Variants in GRIN2C observed in about 807,000 individuals in gnomAD.
GRIN2C encodes glutamate receptor ionotropic, NMDA 2C.
Under a neutral mutation model 77.7 loss-of-function variants are expected in GRIN2C, and 64 were observed. The observed-to-expected ratio is 0.82, with a 90% CI of 0.67 to 1.01. The LOEUF (loss-of-function observed/expected upper bound fraction) is 1.01, where lower values mean the gene tolerates loss of function less well. Ranked by LOEUF, GRIN2C falls within the 50% of genes least tolerant of loss-of-function variation. The pLI is 0.00. For synonymous variants in GRIN2C, 792 were observed against 643.4 expected (o/e 1.23, Z -3.49); for missense variants, 1,549 against 1,486.0 (o/e 1.04, Z -0.70).
At chr17:74,848,561 A>G (rs1009816472) in intron 7 of GRIN2C, among the ~76,000 whole-genome samples, 4 of 152,114 alleles carry the variant, frequency 2.6e-5, no homozygotes, top group Admixed American at 1.3e-4. Context: ...TTAGCCAGGC[A>G]TGGTGACACA....
chr17:74,849,559 C>T lies in GRIN2C; in HGVS notation c.1645+221G>A, dbSNP rs2037566603. ...CAGTGGCACCACGACCCATCCCACA[C>T]CCCCAACCCCACCCTCACCTGGCAG... On this transcript the variant is annotated intron_variant, in intron 7 of 12. Transcript: ENST00000293190. The surrounding 1 kb of genome is among the most constrained non-coding windows in gnomAD (Gnocchi z 4.6). Among the ~76,000 whole-genome samples the T allele has an allele frequency of 6.6e-6, 1 of 152,190 alleles. No individual in the cohort carries two copies. The highest frequency in any genetic ancestry group is 6.5e-5 in the Admixed American group (1 of 15,278).
intron 12 of GRIN2C, 167 bp downstream of exon 12, chr17:74,844,109 A>C: frequency 7.4e-7 from 1 of 1,344,106 alleles, no homozygotes; most frequent in Admixed American, 2.9e-5. Flanking sequence ...TCTGGACTCA[A>C]GGGATCCACT....
chr17:74,854,496 T>A (rs2037754637), intron 2 of GRIN2C, 198 bp downstream of exon 2: 1 of 561,676 alleles, frequency 1.8e-6, no homozygotes, highest in Non-Finnish European at 3.2e-6. Context: ...AGACACAATG[T>A]GAGGTCAGCC....
chr17:74,852,606 C>T lies in GRIN2C; in HGVS notation c.405G>A (p.Pro135=). The T allele has an allele frequency of 7.8e-7, 1 of 1,274,760 alleles. No homozygotes were observed. The highest frequency in any genetic ancestry group is 3.4e-5 in the East Asian group (1 of 29,102). 79.0% of individuals were successfully genotyped at this position (1,274,760 alleles called of 1,614,324 possible). The change falls in exon 3 of 13, where the codon CCG becomes CCA. Residue 135 remains proline, a synonymous_variant. Transcript: ENST00000293190. ...GSAVVLTPKE[P]GSAFLQLGVS... ...CGCCCAGCTGCAGGAAGGCGGAGCC[C>T]GGCTCCTGGGGGCGGGCGGGGCCTG...
intron 12 of GRIN2C, among the ~76,000 whole-genome samples, chr17:74,843,773 C>T (rs543290464): frequency 2.0e-5 from 3 of 152,158 alleles, no homozygotes; most frequent in Admixed American, 2.0e-4. Flanking sequence ...TAGCTAGCAC[C>T]TGGCACATGA....
At position 74,851,607 on chromosome 17, in the gene GRIN2C, G is replaced by C; in HGVS notation, c.1083C>G (p.Ile361Met). Reference sequence around the variant, plus strand: ...CCCAGAGGCGGTGCCGGTTGAGGGCGATCACCACCATGGTGGGCTGGACCA... The same window carrying C: ...CCCAGAGGCGGTGCCGGTTGAGGGCCATCACCACCATGGTGGGCTGGACCA... ...GYLVQPTMVV[I>M]ALNRHRLWEM... is the part of the protein sequence containing the mutation. Residue 361 changes from isoleucine to methionine, a missense_variant, in exon 4 of 13, where the codon ATC becomes ATG. Ile to Met is a conservative substitution (Grantham distance 10, BLOSUM62 1). This residue lies in a region of GRIN2C where 717 missense variants were observed against 858.1 expected (regional missense o/e 0.84). Transcript: ENST00000293190. 6.4e-7 allele frequency: 1 copy of C among 1,563,740 alleles called. No homozygotes were observed. Among genetic ancestry groups the C allele is most frequent in the Non-Finnish European group, 8.7e-7 (1 of 1,152,488 alleles).
rs184900855 is a variant in GRIN2C, at chr17:74,856,299, C to T, written c.-15-1192G>A. On this transcript the variant is annotated intron_variant, in intron 1 of 12. Transcript: ENST00000293190. ...GGTGAGCCTGCCACTCCAGCCCTCC[C>T]GCCTCCCCCAGGATCTGCACATCTC... Among the ~76,000 whole-genome samples, 145 of 152,082 alleles carry T rather than the reference C, an allele frequency of 9.5e-4. 1 individual carries two copies. Among genetic ancestry groups the T allele is most frequent in the African/African-American group, 3.3e-3 (138 of 41,450 alleles).
chr17:74,852,739 C>T (rs1008273033), intron 2 of GRIN2C, 128 bp from the exon 3 acceptor site: 1 of 489,516 alleles, frequency 2.0e-6, no homozygotes, highest in Non-Finnish European at 3.5e-6. Context: ...TTCCGGGAGC[C>T]CTCTGGCCTG....
chr17:74,852,102 G>A lies in GRIN2C; in HGVS notation c.909C>T (p.Tyr303=). 6.8e-7 allele frequency: 1 copy of A among 1,466,232 alleles called. No individual in the cohort carries two copies. Among genetic ancestry groups the A allele is most frequent in the Non-Finnish European group, 9.0e-7 (1 of 1,107,666 alleles). 90.8% of individuals were successfully genotyped at this position (1,466,232 alleles called of 1,614,324 possible). A position where few individuals can be genotyped will look rare whatever the true frequency, so the allele number is the denominator to read the frequency against. The change falls in exon 3 of 13, where the codon TAC becomes TAT. Residue 303 remains tyrosine (Y), a synonymous_variant. Coordinates refer to ENST00000293190, the MANE Select transcript of GRIN2C (RefSeq NM_000835.6). ...VAILALGAHS[Y]WRQHGTLPAP... Reference sequence around the variant, plus strand: ...CTGGCAGGGTTCCATGCTGGCGCCAGTAGCTGTGGGCGCCCAGGGCCAGAA... The same window carrying A: ...CTGGCAGGGTTCCATGCTGGCGCCAATAGCTGTGGGCGCCCAGGGCCAGAA...
In GRIN2C at chr17:74,850,928, G is replaced by C; in HGVS notation, c.1114-161C>G. On this transcript the variant is annotated intron_variant, in intron 4 of 12. Coordinates refer to ENST00000293190, the MANE Select transcript of GRIN2C (RefSeq NM_000835.6). This position sits in a 1 kb window ranked among gnomAD's most constrained non-coding sequence, Gnocchi z 5.3. ...CAGCCTCCCCCAGCCTCGGGTCCCTGTGTTCATACAGCTCCACACTGACCC... is the reference window on the plus strand; with the variant it reads ...CAGCCTCCCCCAGCCTCGGGTCCCTCTGTTCATACAGCTCCACACTGACCC... 1 of 636,982 alleles carries C rather than the reference G, an allele frequency of 1.6e-6. No homozygotes were observed. Among genetic ancestry groups the C allele is most frequent in the Non-Finnish European group, 2.8e-6 (1 of 353,926 alleles). The allele number at this position is 636,982 out of a possible 1,614,324, so 39.5% of individuals were successfully genotyped here.
At chr17:74,853,993 C>T (rs1356296102) in intron 2 of GRIN2C, 1 of 152,386 alleles carries the variant, frequency 6.6e-6, no homozygotes, top group Non-Finnish European at 1.5e-5. Flanking sequence ...AGGCTTTTCC[C>T]TCTATTCCTC....
chr17:74,847,926 A>T lies in GRIN2C; in HGVS notation c.1697T>A (p.Val566Glu), dbSNP rs373944929. Residue 566 changes from valine to glutamate, a missense_variant, in exon 8 of 13, where the codon GTG becomes GAG. This residue lies in a region of GRIN2C where 717 missense variants were observed against 858.1 expected (regional missense o/e 0.84). Transcript: ENST00000293190. The surrounding 1 kb of genome is among the most constrained non-coding windows in gnomAD (Gnocchi z 5.2). ...GAACATGAAGACGGTGATGGCCACC[A>T]CAGTGAGGCACATGACAAACATCAT... ...WVMMFVMCLT[V>E]VAITVFMFEY... 14 of 1,613,732 alleles carry T rather than the reference A, an allele frequency of 8.7e-6. No individual in the cohort carries two copies. The highest frequency in any genetic ancestry group is 1.2e-5 in the Non-Finnish European group (14 of 1,179,752).
chr17:74,846,900 C>T lies in GRIN2C; in HGVS notation c.2022G>A (p.Gln674=). ...CCGTGCCGAAGCGGAAAGGTGGGTACTGATCTTGAGGCCGCTGAAACTGCA... is the reference window on the plus strand; with the variant it reads ...CCGTGCCGAAGCGGAAAGGTGGGTATTGATCTTGAGGCCGCTGAAACTGCA... ...SDKKFQRPQD[Q]YPPFRFGTVP... The change falls in exon 10 of 13, where the codon CAG becomes CAA. Residue 674 remains glutamine, a synonymous_variant. Coordinates refer to ENST00000293190, the MANE Select transcript of GRIN2C (RefSeq NM_000835.6). The surrounding 1 kb of genome is among the most constrained non-coding windows in gnomAD (Gnocchi z 4.4). The T allele has an allele frequency of 6.2e-7, 1 of 1,612,292 alleles. No individual in the cohort carries two copies. Among genetic ancestry groups the T allele is most frequent in the Non-Finnish European group, 8.5e-7 (1 of 1,178,748 alleles).
chr17:74,850,699 C>T lies in GRIN2C; in HGVS notation c.1182G>A (p.Leu394=), dbSNP rs753583474. 67 of 1,613,544 alleles carry T rather than the reference C, an allele frequency of 4.2e-5. No homozygotes were observed. Among genetic ancestry groups the T allele is most frequent in the Non-Finnish European group, 5.2e-5 (61 of 1,180,038 alleles). ...GGTGCCGACTGTCCACCACAGGCTGCAGAGAGGCACTGTAGCGAGGCCACA... is the reference window on the plus strand; with the variant it reads ...GGTGCCGACTGTCCACCACAGGCTGTAGAGAGGCACTGTAGCGAGGCCACA... ...YPVWPRYSAS[L]QPVVDSRHLT... is the part of the protein sequence containing the mutation. The change falls in exon 5 of 13, where the codon CTG becomes CTA. Residue 394 remains leucine (L), a synonymous_variant. Coordinates refer to ENST00000293190, the MANE Select transcript of GRIN2C (RefSeq NM_000835.6). This position sits in a 1 kb window ranked among gnomAD's most constrained non-coding sequence, Gnocchi z 5.3.
intron 1 of GRIN2C, among the ~76,000 whole-genome samples, chr17:74,856,749 G>C (rs1352439385): frequency 6.6e-6 from 1 of 152,068 alleles, no homozygotes; most frequent in South Asian, 2.1e-4. Flanking sequence ...AAAGTGCTGG[G>C]ATTACAGGCG....
chr17:74,849,763 C>A lies in GRIN2C; in HGVS notation c.1645+17G>T. 1.9e-6 allele frequency: 3 copies of A among 1,606,010 alleles called. No homozygotes were observed. The highest frequency in any genetic ancestry group is 2.5e-6 in the Non-Finnish European group (3 of 1,177,986). ...CCCTCTGCCCCCGGAGCCGTCTCTG[C>A]CCACCCTGGGCCTCACCCAAGAAGG... On this transcript the variant is annotated intron_variant, in intron 7 of 12. Coordinates refer to ENST00000293190, the MANE Select transcript of GRIN2C (RefSeq NM_000835.6). The surrounding 1 kb of genome is among the most constrained non-coding windows in gnomAD (Gnocchi z 4.6).
rs944762535 is a variant in GRIN2C at position 74,849,126 on chromosome 17, T to C, written c.1645+654A>G. 8.1e-5 allele frequency among the ~76,000 whole-genome samples: 12 copies of C among 147,578 alleles called. No homozygotes were observed. The highest frequency in any genetic ancestry group is 2.9e-4 in the African/African-American group (12 of 40,728). ...CTTGCTATGCTATGAAGTGGTTTTTTTTTTCCTCTCTTCCGTGGCTGAGGA... is the reference window on the plus strand; with the variant it reads ...CTTGCTATGCTATGAAGTGGTTTTTCTTTTCCTCTCTTCCGTGGCTGAGGA... On this transcript the variant is annotated intron_variant, in intron 7 of 12. Transcript: ENST00000293190. This position sits in a 1 kb window ranked among gnomAD's most constrained non-coding sequence, Gnocchi z 4.6.
rs1402221827 is a variant in GRIN2C at position 74,850,547 on chromosome 17, T to A, written c.1325+9A>T. 4 of 1,612,612 alleles carry A rather than the reference T, an allele frequency of 2.5e-6. No homozygotes were observed. The highest frequency in any genetic ancestry group is 3.4e-6 in the Non-Finnish European group (4 of 1,179,320). On this transcript the variant is annotated intron_variant, in intron 5 of 12. Coordinates refer to ENST00000293190, the MANE Select transcript of GRIN2C (RefSeq NM_000835.6). The surrounding 1 kb of genome is among the most constrained non-coding windows in gnomAD (Gnocchi z 5.3). ...AGCTCACACTAGCCTCCCAGGGCCC[T>A]CCACAGACCTGAAGGTGTGGTTGCT...
In GRIN2C at chr17:74,854,967, G is replaced by C. The variant is rs150251520; in HGVS notation, c.126C>G (p.Pro42=). 6.2e-7 allele frequency: 1 copy of C among 1,611,420 alleles called. No individual in the cohort carries two copies. The highest frequency in any genetic ancestry group is 1.1e-5 in the South Asian group (1 of 91,050). The change falls in exon 2 of 13, where the codon CCC becomes CCG. Residue 42 remains proline, a synonymous_variant. Transcript: ENST00000293190. ...VAVVFSSSGP[P]QAQFRARLTP... is the part of the protein sequence containing the mutation. ...TGAGGCGGGCACGGAACTGGGCCTG[G>C]GGCGGCCCTGAGCTGCTAAACACCA...
Sources: gnomAD v4.1 joint callset for allele counts (sites outside exome capture counted in the v4.1 genomes callset) on GRCh38, gnomAD v4.1.1 for gene constraint, gnomAD v4.1.1 regional missense constraint, Gnocchi (gnomAD v3.1) non-coding constraint, MANE v1.5 for transcripts, NCBI Gene and HGNC (gene_info 2026-07-23, HGNC 2026-07-21) for gene names.